KLF12: variants seen among roughly 807,000 people sequenced by gnomAD.
The protein encoded by KLF12 is KLF transcription factor 12.
A neutral mutation model predicts 37.8 loss-of-function variants in KLF12; 9 were observed. That is an observed-to-expected ratio of 0.24 (90% CI 0.14 to 0.42). The LOEUF is 0.42. KLF12 is among the 10% of genes least tolerant of loss of function. The pLI, the probability that KLF12 is intolerant of heterozygous loss-of-function variation, is 1.00. For missense variants in KLF12, 411 were observed against 516.0 expected, an observed-to-expected ratio of 0.80 and a Z score of 1.97; for synonymous variants, 208 against 202.1, an observed-to-expected ratio of 1.03 and a Z score of -0.25.
chr13:74,041,029 T>C (rs767812725), intron 1 of KLF12, among the ~76,000 whole-genome samples: 69 of 152,248 alleles, frequency 4.5e-4, no homozygotes, highest in Non-Finnish European at 9.1e-4. Flanking sequence ...TGACAATAAA[T>C]AAACCCACAA....
intron 1 of KLF12, among the ~76,000 whole-genome samples, chr13:74,086,771 A>C (rs1276152896): frequency 2.0e-5 from 3 of 152,186 alleles, no homozygotes; most frequent in African/African-American, 7.2e-5. Context: ...GTTGGCCAGA[A>C]GCCTCACAGA....
chr13:73,928,391 T>C (rs1444125239), intron 3 of KLF12, among the ~76,000 whole-genome samples: 1 of 152,224 alleles, frequency 6.6e-6, no homozygotes, highest in East Asian at 1.9e-4. Flanking sequence ...CAATACTCTA[T>C]TCCATCTTCT....
At chr13:74,028,992 T>C (rs1408126716) in intron 1 of KLF12, among the ~76,000 whole-genome samples, 3 of 152,106 alleles carry the variant, frequency 2.0e-5, no homozygotes, top group African/African-American at 7.2e-5. Context: ...TGCCAGATAG[T>C]TTACATAGTT....
intron 3 of KLF12, among the ~76,000 whole-genome samples, chr13:73,913,868 C>A (rs17061673): frequency 0.013 from 1,986 of 152,172 alleles, 44 homozygotes; most frequent in African/African-American, 0.046. Context: ...CATGGTGATA[C>A]AAACATATTA....
At chr13:74,079,223 C>A (rs1270684407) in intron 1 of KLF12, among the ~76,000 whole-genome samples, 1 of 151,896 alleles carries the variant, frequency 6.6e-6, no homozygotes, top group Non-Finnish European at 1.5e-5. Flanking sequence ...GTACCAGGGG[C>A]TGAGGGGAAT....
chr13:73,842,650 G>A (rs1157685987), intron 4 of KLF12, among the ~76,000 whole-genome samples: 2 of 152,172 alleles, frequency 1.3e-5, no homozygotes, highest in African/African-American at 2.4e-5. Flanking sequence ...TTTAAAAGTA[G>A]CCAGTACAAT....
In KLF12 at chr13:73,788,770, G is replaced by A. The variant is rs1217710365; in HGVS notation, c.807-23770C>T. On this transcript the variant is annotated intron_variant, in intron 5 of 7. Coordinates refer to ENST00000377669, the MANE Select transcript of KLF12 (RefSeq NM_007249.5). The stretch of plus-strand genomic sequence containing the variant: ...AAATTAAGTAAGTAGCTAGACAAAC[G>A]GGACTCCTCTGCAATTAATTTTCTT... 4.6e-5 allele frequency among the ~76,000 whole-genome samples: 7 copies of A among 151,998 alleles called. No homozygotes were observed. The East Asian group carries it at 1.4e-3, about 29-fold the overall frequency.
intron 6 of KLF12, among the ~76,000 whole-genome samples, chr13:73,734,951 A>G (rs1270108298): frequency 6.6e-6 from 1 of 151,968 alleles, no homozygotes; most frequent in Non-Finnish European, 1.5e-5. Flanking sequence ...AATACTCAAC[A>G]GTTTGGAGGC....
At chr13:74,047,937 G>C (rs1405292866) in intron 1 of KLF12, among the ~76,000 whole-genome samples, 3 of 152,200 alleles carry the variant, frequency 2.0e-5, no homozygotes, top group African/African-American at 7.2e-5. Flanking sequence ...CGCATTCCAA[G>C]TGCAAAGTCA....
At chr13:74,068,356 T>C (rs893332256) in intron 1 of KLF12, among the ~76,000 whole-genome samples, 1 of 152,056 alleles carries the variant, frequency 6.6e-6, no homozygotes, top group Admixed American at 6.5e-5. Flanking sequence ...ATGGAAAAAA[T>C]AAGAAATATC....
chr13:74,154,366 A>T, the KLF12 span, among the ~76,000 whole-genome samples: 1 of 151,526 alleles, frequency 6.6e-6, no homozygotes, highest in East Asian at 1.9e-4. Context: ...ACATCCCTAG[A>T]CAAAAAAATT....
intron 4 of KLF12, among the ~76,000 whole-genome samples, chr13:73,817,081 C>T (rs1883262278): frequency 6.6e-6 from 1 of 152,108 alleles, no homozygotes; most frequent in African/African-American, 2.4e-5. Flanking sequence ...CCTTAGGAGG[C>T]TGAGGCAGGA....
chr13:73,895,680 G>C (rs1887731285), intron 3 of KLF12, among the ~76,000 whole-genome samples: 1 of 152,102 alleles, frequency 6.6e-6, no homozygotes, highest in Admixed American at 6.6e-5. Context: ...AGAAATGAGT[G>C]ACAGGGAGCA....
At chr13:74,062,136 A>G (rs1873629550) in intron 1 of KLF12, among the ~76,000 whole-genome samples, 1 of 152,174 alleles carries the variant, frequency 6.6e-6, no homozygotes, top group Non-Finnish European at 1.5e-5. Context: ...CAGCTTTCAT[A>G]GCCCTGACCC....
the KLF12 span, among the ~76,000 whole-genome samples, chr13:74,211,493 T>C: frequency 6.6e-6 from 1 of 152,160 alleles, no homozygotes; most frequent in Non-Finnish European, 1.5e-5. Context: ...ATAAATAGTT[T>C]TGATCTTTTG....
At chr13:74,249,336 TCACACACACACACACA>T in the KLF12 span, among the ~76,000 whole-genome samples, 6 of 74,150 alleles carry the variant, frequency 8.1e-5, no homozygotes, top group Middle Eastern at 6.5e-3. Context: ...AGCAGGAGCA[TCACACACACACACACA>T]CACACACACA....
the KLF12 span, among the ~76,000 whole-genome samples, chr13:74,172,248 T>G: frequency 1.3e-5 from 2 of 152,112 alleles, no homozygotes; most frequent in East Asian, 3.9e-4. Flanking sequence ...AACAAGGTAT[T>G]TTCTGTAAAA....
At chr13:74,060,303 G>T (rs907783181) in intron 1 of KLF12, among the ~76,000 whole-genome samples, 2 of 151,614 alleles carry the variant, frequency 1.3e-5, no homozygotes, top group Non-Finnish European at 1.5e-5. Flanking sequence ...GAATAACTTT[G>T]GTATTTTCAT....
At chr13:74,090,332 A>G (rs1356835566) in intron 1 of KLF12, among the ~76,000 whole-genome samples, 6 of 152,120 alleles carry the variant, frequency 3.9e-5, no homozygotes, top group Non-Finnish European at 4.4e-5. Context: ...AGATTGGAAG[A>G]CTCAAGATTG....
Sources: allele counts gnomAD v4.1 joint callset (sites outside exome capture counted in the v4.1 genomes callset), GRCh38; gene constraint gnomAD v4.1.1; transcripts MANE v1.5; gene names NCBI Gene and HGNC (gene_info 2026-07-23, HGNC 2026-07-21).